Variants in ERC2 observed in about 807,000 individuals in gnomAD.
ERC2 encodes ELKS/RAB6-interacting/CAST family member 2.
Under a neutral mutation model 114.8 loss-of-function variants are expected in ERC2, and 42 were observed. The ratio of observed to expected loss-of-function variants is 0.37; its 90% CI spans 0.29 to 0.47. The LOEUF (loss-of-function observed/expected upper bound fraction) is 0.47, where lower values mean the gene tolerates loss of function less well. Ranked by LOEUF, ERC2 falls within the 20% of genes least tolerant of loss-of-function variation. The pLI is 0.99. For synonymous variants in ERC2, 454 were observed against 425.5 expected (o/e 1.07, Z -0.82); for missense variants, 939 against 1,150.7 (o/e 0.82, Z 2.66).
At chr3:56,180,374 C>T (rs1560318454) in intron 3 of ERC2, among the ~76,000 whole-genome samples, 1 of 152,160 alleles carries the variant, frequency 6.6e-6, no homozygotes, top group Non-Finnish European at 1.5e-5. Flanking sequence ...CACCCAAGTT[C>T]ATAGCTGCAT....
intron 2 of ERC2, among the ~76,000 whole-genome samples, chr3:56,358,779 A>G (rs1242180117): frequency 1.3e-5 from 2 of 152,224 alleles, no homozygotes; most frequent in Admixed American, 1.3e-4. Context: ...TGCTTGCCTC[A>G]TGAGCTTGTT....
intron 17 of ERC2, among the ~76,000 whole-genome samples, chr3:55,596,226 T>C (rs189869827): frequency 2.8e-4 from 43 of 152,140 alleles, no homozygotes; most frequent in Admixed American, 7.2e-4. Flanking sequence ...ACATGCGAAA[T>C]AAGAAGAGTA....
intron 17 of ERC2, among the ~76,000 whole-genome samples, chr3:55,618,140 C>T (rs2059194046): frequency 6.6e-6 from 1 of 151,926 alleles, no homozygotes; most frequent in Non-Finnish European, 1.5e-5. Context: ...GCAAATTAAG[C>T]ATGTTGGTTG....
intron 1 of ERC2, among the ~76,000 whole-genome samples, chr3:56,444,110 C>A (rs2062450084): frequency 6.6e-6 from 1 of 151,306 alleles, no homozygotes; most frequent in African/African-American, 2.4e-5. Context: ...CCAAGGCGCC[C>A]ACCACCACAC....
At chr3:55,937,789 A>G (rs755291933) in intron 13 of ERC2, among the ~76,000 whole-genome samples, 3 of 152,224 alleles carry the variant, frequency 2.0e-5, no homozygotes, top group Non-Finnish European at 4.4e-5. Context: ...TTGAAAATTT[A>G]TCTTTGAGAA....
chr3:55,911,339 AGT>A (rs2064799094), intron 13 of ERC2, among the ~76,000 whole-genome samples: 1 of 152,204 alleles, frequency 6.6e-6, no homozygotes, highest in Non-Finnish European at 1.5e-5. Flanking sequence ...ACAAGCAGAG[AGT>A]GGTTCATAAA....
At position 55,878,538 on chromosome 3, in the gene ERC2, GTTC is replaced by G. The variant is rs199509708; in HGVS notation, c.2564+9848_2564+9850del. ...TGAAATTCTTACACTGATATCTCAA[GTTC>G]TTCATTGGAAGACTGCACTCAATGG... is the stretch of plus-strand genomic sequence containing the variant. On this transcript the variant is annotated intron_variant, in intron 14 of 17. Transcript: ENST00000288221. Among the ~76,000 whole-genome samples the G allele has an allele frequency of 4.6e-3, 707 of 152,302 alleles. 8 individuals carry two copies. Among genetic ancestry groups the G allele is most frequent in the African/African-American group, 0.016 (660 of 41,568 alleles).
rs1197855083 is a variant in ERC2 at position 55,510,170 on chromosome 3, C to A, written c.*1146G>T. On this transcript the variant is annotated 3_prime_UTR_variant, in exon 18 of 18. Transcript: ENST00000288221. ...CATACATGTTGTGTAGAGCTATATA[C>A]AGAGACACAGCTTTTGTGATTGTTC... 1 of 151,446 alleles carries A rather than the reference C, an allele frequency of 6.6e-6. No individual in the cohort carries two copies. Among genetic ancestry groups the A allele is most frequent in the Admixed American group, 6.6e-5 (1 of 15,170 alleles). The allele number at this position is 151,446 out of a possible 1,614,324, so 9.4% of individuals were successfully genotyped here.
chr3:56,282,552 C>T (rs1242369998), intron 3 of ERC2, among the ~76,000 whole-genome samples: 1 of 152,098 alleles, frequency 6.6e-6, no homozygotes, highest in African/African-American at 2.4e-5. Flanking sequence ...AGGCAAGTTA[C>T]TTAACTGCCC....
In ERC2 at chr3:55,699,442, T is replaced by A; in HGVS notation, c.2783A>T (p.His928Leu). Residue 928 changes from histidine (H) to leucine (L), a missense_variant, in exon 16 of 18, where the codon CAT becomes CTT. Coordinates refer to ENST00000288221, the MANE Select transcript of ERC2 (RefSeq NM_015576.3). ...DDHHHYHHHH[H>L]HHHHRSPGRS... is the part of the protein sequence containing the mutation. ...CCCAGGAGATCGATGGTGGTGGTGA[T>A]GGTGGTGGTGGTGGTAATGGTGATG... 6.2e-7 allele frequency: 1 copy of A among 1,609,632 alleles called. No individual in the cohort carries two copies. Among genetic ancestry groups the A allele is most frequent in the Non-Finnish European group, 8.5e-7 (1 of 1,177,030 alleles).
chr3:56,010,621 A>G (rs2072845526), intron 8 of ERC2, 32 bp from the exon 9 acceptor site: 1 of 1,605,516 alleles, frequency 6.2e-7, no homozygotes, highest in Non-Finnish European at 8.5e-7. Flanking sequence ...AGAAGAGGTG[A>G]GAACCCATCA....
chr3:55,772,849 A>G (rs984571424), intron 14 of ERC2, among the ~76,000 whole-genome samples: 4 of 152,276 alleles, frequency 2.6e-5, no homozygotes, highest in African/African-American at 9.6e-5. Context: ...TGTCAAGATT[A>G]ATAGCACCAC....
chr3:55,976,918 G>A (rs1275169669), intron 12 of ERC2, among the ~76,000 whole-genome samples: 1 of 152,184 alleles, frequency 6.6e-6, no homozygotes, highest in Non-Finnish European at 1.5e-5. Flanking sequence ...GGGGCCTTTT[G>A]GGAGGTGACT....
At chr3:56,123,906 C>T (rs145881947) in intron 6 of ERC2, among the ~76,000 whole-genome samples, 191 of 152,272 alleles carry the variant, frequency 1.3e-3, no homozygotes, top group African/African-American at 4.3e-3. Context: ...TACATAAGGA[C>T]GCCCTAAGGA....
chr3:55,725,255 G>A (rs933203699), intron 15 of ERC2, among the ~76,000 whole-genome samples: 1 of 152,120 alleles, frequency 6.6e-6, no homozygotes, highest in South Asian at 2.1e-4. Flanking sequence ...TGGTAAAGTT[G>A]ATCTTTTCAA....
At chr3:55,626,841 C>G (rs566290090) in intron 17 of ERC2, among the ~76,000 whole-genome samples, 2 of 152,202 alleles carry the variant, frequency 1.3e-5, no homozygotes, top group Non-Finnish European at 2.9e-5. Flanking sequence ...AGCCAGGTGA[C>G]CCTGGACAAG....
chr3:56,003,971 G>A (rs1379717), intron 10 of ERC2, among the ~76,000 whole-genome samples: 55,615 of 151,782 alleles, frequency 0.37, 11,259 homozygotes, highest in East Asian at 0.51. Flanking sequence ...AAGGTGTACA[G>A]GGTGAAATAT....
At chr3:55,511,886 T>C (rs73075478) in intron 17 of ERC2, among the ~76,000 whole-genome samples, 28,859 of 152,082 alleles carry the variant, frequency 0.19, 2,855 homozygotes, top group Non-Finnish European at 0.23. Context: ...TGGGAAGCAA[T>C]AGTGCAATGA....
chr3:56,183,635 A>G (rs2083418951), intron 3 of ERC2, among the ~76,000 whole-genome samples: 1 of 152,220 alleles, frequency 6.6e-6, no homozygotes, highest in African/African-American at 2.4e-5. Context: ...GTCTAATTGA[A>G]TAATTTTCAT....
Sources: gnomAD v4.1 joint callset for allele counts (sites outside exome capture counted in the v4.1 genomes callset) on GRCh38, gnomAD v4.1.1 for gene constraint, MANE v1.5 for transcripts, NCBI Gene and HGNC (gene_info 2026-07-23, HGNC 2026-07-21) for gene names.